The following TJP1 variants were observed in gnomAD, a reference collection of about 807,000 sequenced individuals.
The protein encoded by TJP1 is tight junction protein ZO-1.
TJP1 carries 43 observed loss-of-function variants against 194.2 expected under a neutral mutation model. That is an observed-to-expected ratio of 0.22 (90% CI 0.17 to 0.29). The LOEUF (loss-of-function observed/expected upper bound fraction) is 0.29. Among genes scored for constraint, TJP1 ranks in the 10% least tolerant of loss-of-function variants. TJP1 has a pLI of 1.00. For synonymous variants in TJP1, 801 were observed against 779.0 expected, an observed-to-expected ratio of 1.03 and a Z score of -0.47; for missense variants, 1,971 against 2,185.7, an observed-to-expected ratio of 0.90 and a Z score of 1.96.
rs772284298 is a variant in TJP1 at position 29,720,465 on chromosome 15, A to G, written c.2656T>C (p.Ser886Pro). ...RSSEPVREDS[S>P]GMHHENQTYP... ...GTTTGGTTTTCATGATGCATTCCAGAGGAGTCCTCTCTTACAGGCTCAGAG... is the reference window on the plus strand; with the variant it reads ...GTTTGGTTTTCATGATGCATTCCAGGGGAGTCCTCTCTTACAGGCTCAGAG... The change falls in exon 19 of 28, where the codon TCT becomes CCT. Residue 886 changes from serine (S) to proline (P), a missense_variant. This residue lies in a region of TJP1 where 1,108 missense variants were observed against 1,128.5 expected (regional missense o/e 0.98). Transcript: ENST00000614355. The G allele has an allele frequency of 1.9e-6, 3 of 1,614,160 alleles. No homozygotes were observed. Among genetic ancestry groups the G allele is most frequent in the Non-Finnish European group, 2.5e-6 (3 of 1,180,028 alleles).
intron 2 of TJP1, among the ~76,000 whole-genome samples, chr15:29,950,624 G>T (rs745515975): frequency 1.1e-4 from 16 of 152,168 alleles, no homozygotes; most frequent in Non-Finnish European, 1.6e-4. Flanking sequence ...GTGGGAGTGA[G>T]AACGGGGGAA....
intron 15 of TJP1, 133 bp from the exon 16 acceptor site, chr15:29,728,152 GTACT>G (rs1319714094): frequency 1.8e-6 from 1 of 563,242 alleles, no homozygotes; most frequent in Non-Finnish European, 3.1e-6. Context: ...TATGCATGCA[GTACT>G]TAAAGTGAGT....
At chr15:29,823,381 T>A (rs2050547305), upstream of TJP1, 1 of 151,300 alleles carries the variant, frequency 6.6e-6, no homozygotes, top group East Asian at 2.0e-4. Flanking sequence ...AAGAAACCAA[T>A]CCTAGACTCA....
chr15:29,923,179 A>C (rs1290591894), intron 2 of TJP1, among the ~76,000 whole-genome samples: 4 of 152,184 alleles, frequency 2.6e-5, no homozygotes, highest in Non-Finnish European at 2.9e-5. Context: ...ATTCACCCAC[A>C]AAAGACAATC....
chr15:29,773,117 G>T, intron 3 of TJP1, 116 bp downstream of exon 3: 1 of 1,225,274 alleles, frequency 8.2e-7, no homozygotes, highest in Non-Finnish European at 1.1e-6. Flanking sequence ...ATGAAGCATG[G>T]CACAGGTGGA....
Position 29,840,417 on chromosome 15 carries a change from CG to C in TJP1, c.307-39716del, listed in dbSNP as rs779399008. Among the ~76,000 whole-genome samples the C allele has an allele frequency of 3.0e-4, 45 of 152,260 alleles. 1 individual carries two copies. The highest frequency in any genetic ancestry group is 2.1e-3 in the East Asian group (11 of 5,188). On this transcript the variant is annotated intron_variant, in intron 2 of 28. Coordinates refer to the TJP1 transcript ENST00000356107. ...TCTGAAGAGATGTTATTAAGTTAAA[CG>C]TCTCTTTCTCAGGTTGGGCAAGAGG...
intron 1 of TJP1, among the ~76,000 whole-genome samples, chr15:29,808,922 C>CA (rs2151935626): frequency 6.6e-6 from 1 of 152,120 alleles, no homozygotes; most frequent in African/African-American, 2.4e-5. Flanking sequence ...TAAAAACAAA[C>CA]AAAAAAATCA....
intron 10 of TJP1, among the ~76,000 whole-genome samples, chr15:29,738,554 C>T (rs552631559): frequency 6.6e-5 from 10 of 152,188 alleles, no homozygotes; most frequent in African/African-American, 1.9e-4. Flanking sequence ...CAGATGAGGT[C>T]TCTCACTGGC....
intron 8 of TJP1, among the ~76,000 whole-genome samples, chr15:29,747,782 G>A (rs45511392): frequency 3.3e-5 from 5 of 152,216 alleles, no homozygotes; most frequent in Admixed American, 3.3e-4. Flanking sequence ...ACGATAGGTC[G>A]TCATTGGCTA....
intron 2 of TJP1, among the ~76,000 whole-genome samples, chr15:29,841,984 A>C: frequency 6.6e-6 from 1 of 152,188 alleles, no homozygotes; most frequent in South Asian, 2.1e-4. Context: ...AGGGTACAGT[A>C]AGATTTTTTG....
In TJP1 at chr15:29,718,124, TAAAAAAAA is replaced by T; in HGVS notation, c.3877-14_3877-7del. On this transcript the variant is annotated splice_polypyrimidine_tract_variant and splice_region_variant and intron_variant, in intron 21 of 27. Transcript: ENST00000614355. ...TTAGATGCTACTTCTGGAGGCTGTTTAAAAAAAAAAAAAAAAAAAAGACAAATATGCCT... is the reference window on the plus strand; with the variant it reads ...TTAGATGCTACTTCTGGAGGCTGTTTAAAAAAAAAAAAGACAAATATGCCT... 1.4e-6 allele frequency: 2 copies of T among 1,427,690 alleles called. No individual in the cohort carries two copies. Among genetic ancestry groups the T allele is most frequent in the Non-Finnish European group, 1.9e-6 (2 of 1,062,708 alleles). 88.4% of individuals were successfully genotyped at this position (1,427,690 alleles called of 1,614,324 possible). A position where few individuals can be genotyped will look rare whatever the true frequency, so the allele number is the denominator to read the frequency against.
chr15:29,887,299 T>C (rs976845541), intron 2 of TJP1, among the ~76,000 whole-genome samples: 2 of 148,294 alleles, frequency 1.3e-5, no homozygotes, highest in Non-Finnish European at 3.0e-5. Flanking sequence ...TATATACATA[T>C]ATATGTATAT....
chr15:29,784,862 T>C (rs1485904379), intron 2 of TJP1, among the ~76,000 whole-genome samples: 1 of 152,158 alleles, frequency 6.6e-6, no homozygotes, highest in African/African-American at 2.4e-5. Context: ...CTAGATATGG[T>C]AAAAACCATT....
intron 2 of TJP1, among the ~76,000 whole-genome samples, chr15:29,779,626 TCAA>T (rs1176141356): frequency 6.6e-6 from 1 of 152,222 alleles, no homozygotes; most frequent in Admixed American, 6.5e-5. Flanking sequence ...TTAGTGAACC[TCAA>T]CAAGTATTTG....
intron 2 of TJP1, among the ~76,000 whole-genome samples, chr15:29,938,785 G>A (rs2054968526): frequency 6.6e-6 from 1 of 152,208 alleles, no homozygotes. Context: ...ATAAATTTAA[G>A]TAGAGTTATG....
intron 10 of TJP1, among the ~76,000 whole-genome samples, chr15:29,738,563 G>C (rs1798756364): frequency 6.6e-6 from 1 of 151,992 alleles, no homozygotes; most frequent in South Asian, 2.1e-4. Context: ...TCTCTCACTG[G>C]CTGGTGGCAT....
intron 10 of TJP1, 111 bp from the exon 11 acceptor site, chr15:29,737,525 A>G (rs776661061): frequency 2.6e-6 from 3 of 1,166,094 alleles, no homozygotes; most frequent in Non-Finnish European, 3.6e-6. Context: ...TCATTTCTAA[A>G]ACTTCTCTCA....
chr15:29,730,949 GGCACAGAAAGCTGAAGGT>G (rs2043602745), intron 15 of TJP1: 1 of 1,259,722 alleles, frequency 7.9e-7, no homozygotes, highest in Admixed American at 1.7e-5. Context: ...AAACAGACCA[GGCACAGAAAGCTGAAGGT>G]GCTGGAGATG....
chr15:29,851,701 T>C (rs760751594), intron 2 of TJP1, among the ~76,000 whole-genome samples: 3 of 152,246 alleles, frequency 2.0e-5, no homozygotes, highest in Non-Finnish European at 2.9e-5. Context: ...TCAGGACTTA[T>C]TATATAGCTA....
Sources: gnomAD v4.1 joint callset for allele counts (sites outside exome capture counted in the v4.1 genomes callset) on GRCh38, gnomAD v4.1.1 for gene constraint, gnomAD v4.1.1 regional missense constraint, MANE v1.5 for transcripts, NCBI Gene and HGNC (gene_info 2026-07-23, HGNC 2026-07-21) for gene names.